PCDHA2: variants seen among roughly 807,000 people sequenced by gnomAD.
The protein encoded by PCDHA2 is protocadherin alpha-2.
PCDHA2 carries 58 observed loss-of-function variants against 66.0 expected under a neutral mutation model. The ratio of observed to expected loss-of-function variants is 0.88; its 90% CI spans 0.71 to 1.09. The LOEUF (loss-of-function observed/expected upper bound fraction) is 1.09, where lower values mean the gene tolerates loss of function less well. Among genes scored for constraint, PCDHA2 ranks in the 50% least tolerant of loss-of-function variants. PCDHA2 has a pLI of 0.00. For synonymous variants in PCDHA2, 634 were observed against 554.0 expected (o/e 1.14, Z -2.03); for missense variants, 1,267 against 1,242.3 (o/e 1.02, Z -0.30).
intron 1 of PCDHA2, among the ~76,000 whole-genome samples, chr5:140,956,765 C>T (rs2095308216): frequency 6.6e-6 from 1 of 152,134 alleles, no homozygotes; most frequent in Non-Finnish European, 1.5e-5. Flanking sequence ...AGCTGTAAAT[C>T]TGTCTGGTCC....
intron 1 of PCDHA2, chr5:140,809,698 T>A: frequency 8.7e-7 from 1 of 1,155,888 alleles, no homozygotes; most frequent in Non-Finnish European, 1.2e-6. Context: ...ATATCCATTT[T>A]AACTAAAGTC....
chr5:140,875,210 AAAAGAACCTC>A (rs2055354064), intron 1 of PCDHA2: 1 of 696,510 alleles, frequency 1.4e-6, no homozygotes, highest in Non-Finnish European at 2.1e-6. Context: ...GGCTAAACCG[AAAAGAACCTC>A]AGGATCTTTC....
intron 1 of PCDHA2, chr5:140,823,283 T>C: frequency 6.2e-7 from 1 of 1,612,304 alleles, no homozygotes; most frequent in Middle Eastern, 2.0e-4. Flanking sequence ...GAGCGCCCGC[T>C]GTCGAGTTAC....
At chr5:140,810,581 C>T (rs1764688212) in intron 1 of PCDHA2, 1 of 152,044 alleles carries the variant, frequency 6.6e-6, no homozygotes, top group Non-Finnish European at 1.5e-5. Context: ...AGTTGAGTAC[C>T]TTTCTATTTT....
intron 1 of PCDHA2, chr5:140,836,240 C>G: frequency 6.2e-7 from 1 of 1,613,780 alleles, no homozygotes; most frequent in Non-Finnish European, 8.5e-7. Context: ...CCGGTGCGAG[C>G]ATCCCGTTCC....
chr5:140,922,268 A>T (rs2153564244), intron 1 of PCDHA2, among the ~76,000 whole-genome samples: 1 of 152,382 alleles, frequency 6.6e-6, no homozygotes, highest in Non-Finnish European at 1.5e-5. Context: ...TGCCATGAAG[A>T]TTGGACCAAG....
chr5:140,995,388 A>G (rs1467282798), intron 3 of PCDHA2, among the ~76,000 whole-genome samples: 1 of 152,208 alleles, frequency 6.6e-6, no homozygotes. Flanking sequence ...GGCAGGATAA[A>G]GCGGGATGGC....
intron 1 of PCDHA2, chr5:140,857,748 C>T: frequency 6.3e-7 from 1 of 1,597,386 alleles, no homozygotes; most frequent in Middle Eastern, 1.8e-4. Flanking sequence ...CTGCTGGCGT[C>T]TCCCGCTGGC....
intron 1 of PCDHA2, chr5:140,829,542 C>A: frequency 6.2e-7 from 1 of 1,612,968 alleles, no homozygotes; most frequent in South Asian, 1.1e-5. Context: ...GACGCGGACG[C>A]GCAGGAGAAC....
chr5:140,877,401 G>T (rs183471635), intron 1 of PCDHA2: 1 of 1,613,944 alleles, frequency 6.2e-7, no homozygotes, highest in East Asian at 2.2e-5. Flanking sequence ...CGGACGCTCC[G>T]CGCCACCGCC....
chr5:140,797,921 C>T (rs559400044), intron 1 of PCDHA2, among the ~76,000 whole-genome samples: 1 of 152,254 alleles, frequency 6.6e-6, no homozygotes, highest in Admixed American at 6.5e-5. Flanking sequence ...GGTGTGATCT[C>T]AGCTCACTAT....
intron 3 of PCDHA2, among the ~76,000 whole-genome samples, chr5:140,998,878 T>C (rs1379445555): frequency 6.6e-6 from 1 of 152,218 alleles, no homozygotes; most frequent in Non-Finnish European, 1.5e-5. Context: ...ATAATAAGTT[T>C]AGTTGAATAA....
rs562972971 is a variant in PCDHA2, at chr5:140,960,395, A to AG, written c.2389-18547dup. 1.1e-4 allele frequency among the ~76,000 whole-genome samples: 17 copies of AG among 152,266 alleles called. No individual in the cohort carries two copies. The Middle Eastern group carries it at 0.014, about 123-fold the overall frequency. ...TTAAGTGCCAAGACATTAGGATGCAAGGGGGGGTGCCCAAAAAGTCAACAA... is the reference window on the plus strand; with the variant it reads ...TTAAGTGCCAAGACATTAGGATGCAAGGGGGGGGTGCCCAAAAAGTCAACAA... On this transcript the variant is annotated intron_variant, in intron 1 of 3. Coordinates refer to ENST00000526136, the MANE Select transcript of PCDHA2 (RefSeq NM_018905.3).
intron 1 of PCDHA2, among the ~76,000 whole-genome samples, chr5:140,798,113 C>G (rs1282762956): frequency 2.0e-5 from 3 of 152,098 alleles, no homozygotes; most frequent in Non-Finnish European, 4.4e-5. Flanking sequence ...CTCAAGTGAT[C>G]CACCCTCCTA....
intron 1 of PCDHA2, among the ~76,000 whole-genome samples, chr5:140,947,310 A>G (rs1554218156): frequency 6.6e-6 from 1 of 151,620 alleles, no homozygotes; most frequent in Admixed American, 6.6e-5. Flanking sequence ...ATCTTTGTAA[A>G]AAGTCGGTTG....
At chr5:140,802,186 T>C (rs782273094) in intron 1 of PCDHA2, 4 of 1,614,226 alleles carry the variant, frequency 2.5e-6, no homozygotes, top group East Asian at 2.2e-5. Context: ...AATCCCCCAA[T>C]GTCAGATCAC....
intron 1 of PCDHA2, among the ~76,000 whole-genome samples, chr5:140,832,543 A>T (rs1469117673): frequency 6.6e-6 from 1 of 152,226 alleles, no homozygotes; most frequent in Non-Finnish European, 1.5e-5. Context: ...TGTGTAGCTA[A>T]TGATATCTAA....
chr5:140,907,558 A>G (rs2073449629), intron 1 of PCDHA2, among the ~76,000 whole-genome samples: 1 of 152,186 alleles, frequency 6.6e-6, no homozygotes, highest in Non-Finnish European at 1.5e-5. Flanking sequence ...GGTCCAATAT[A>G]ATCAACTTGC....
chr5:140,959,057 G>A (rs1437392976), intron 1 of PCDHA2, among the ~76,000 whole-genome samples: 1 of 152,092 alleles, frequency 6.6e-6, no homozygotes, highest in Non-Finnish European at 1.5e-5. Context: ...AAAAAATGCA[G>A]TATATATAGA....
Sources: allele counts gnomAD v4.1 joint callset (sites outside exome capture counted in the v4.1 genomes callset), GRCh38; gene constraint gnomAD v4.1.1; transcripts MANE v1.5; gene names NCBI Gene and HGNC (gene_info 2026-07-23, HGNC 2026-07-21).